The following STK3 variants were observed in gnomAD, a reference collection of about 807,000 sequenced individuals.
The protein encoded by STK3 is serine/threonine-protein kinase 3.
STK3 carries 41 observed loss-of-function variants against 58.0 expected under a neutral mutation model. The observed-to-expected ratio is 0.71, with a 90% confidence interval of 0.55 to 0.92. The LOEUF (loss-of-function observed/expected upper bound fraction) is 0.92, where lower values mean the gene tolerates loss of function less well. Among genes scored for constraint, STK3 ranks in the 40% least tolerant of loss-of-function variants. The pLI is 0.00. For missense variants in STK3, 479 were observed against 602.7 expected, an observed-to-expected ratio of 0.79 and a Z score of 2.15; for synonymous variants, 170 against 191.0, an observed-to-expected ratio of 0.89 and a Z score of 0.91.
upstream of STK3, among the ~76,000 whole-genome samples, chr8:98,825,858 GCCCC>G (rs1201586044): frequency 1.4e-5 from 1 of 72,652 alleles, no homozygotes; most frequent in African/African-American, 5.1e-5. Flanking sequence ...GCCCCCGGCC[GCCCC>G]GCCCCGCCCC....
At position 98,778,357 on chromosome 8, in the gene STK3, A is replaced by G. The variant is rs1276171166; in HGVS notation, c.27-3538T>C. ...ACCATCTCACACCAGTTAGAATGGC[A>G]ATCATTAAAAAGTCAGGAAACAACA... On this transcript the variant is annotated intron_variant, in intron 1 of 10. Coordinates refer to ENST00000419617, the MANE Select transcript of STK3 (RefSeq NM_006281.4). 3.3e-5 allele frequency among the ~76,000 whole-genome samples: 5 copies of G among 151,122 alleles called. No homozygotes were observed. In the South Asian group the frequency reaches 1.0e-3, roughly 32 times the overall value.
intron 7 of STK3, among the ~76,000 whole-genome samples, chr8:98,592,325 G>T (rs565191302): frequency 4.6e-5 from 7 of 152,158 alleles, no homozygotes; most frequent in African/African-American, 1.7e-4. Flanking sequence ...TTGTGTCTTT[G>T]TTCATATTGT....
chr8:98,606,504 T>C (rs966096631), intron 6 of STK3, among the ~76,000 whole-genome samples: 3 of 152,204 alleles, frequency 2.0e-5, no homozygotes, highest in Admixed American at 6.5e-5. Context: ...AGCCCCTAGA[T>C]AGCTTCAGGA....
At chr8:98,802,230 A>G (rs967315043) in intron 1 of STK3, among the ~76,000 whole-genome samples, 3 of 152,188 alleles carry the variant, frequency 2.0e-5, no homozygotes, top group African/African-American at 7.2e-5. Context: ...CTCTCAATAC[A>G]AAGTTTTCTA....
chr8:98,849,958 C>G (rs955460281), intron 3 of STK3, among the ~76,000 whole-genome samples: 2 of 152,052 alleles, frequency 1.3e-5, no homozygotes, highest in Non-Finnish European at 2.9e-5. Flanking sequence ...AGAAAAGAAA[C>G]AACTGTTCAA....
At chr8:98,923,828 C>CGTGTGTGTGTGTGTGTGTGTGTGTGT (rs55929161) in intron 1 of STK3, among the ~76,000 whole-genome samples, 1 of 144,304 alleles carries the variant, frequency 6.9e-6, no homozygotes, top group African/African-American at 2.6e-5. Context: ...TTTGCAAAAA[C>CGTGTGTGTGTGTGTGTGTGTGTGTGT]GTGTGTGTGT....
Position 98,606,805 on chromosome 8 carries a change from G to C in STK3, c.685-10636C>G, listed in dbSNP as rs137955080. Among the ~76,000 whole-genome samples, 129 of 152,306 alleles carry C rather than the reference G, an allele frequency of 8.5e-4. 2 individuals are homozygous for C. Among genetic ancestry groups the C allele is most frequent in the Admixed American group, 7.8e-3 (119 of 15,300 alleles). ...GTCTCTTCATTTGACTGGTCCTCCT[G>C]ATTAGCATCCTTTATAATAAACCTG... On this transcript the variant is annotated intron_variant, in intron 6 of 10. Coordinates refer to ENST00000419617, the MANE Select transcript of STK3 (RefSeq NM_006281.4).
intron 3 of STK3, among the ~76,000 whole-genome samples, chr8:98,847,725 T>C (rs1836265388): frequency 1.3e-5 from 2 of 152,118 alleles, no homozygotes; most frequent in East Asian, 1.9e-4. Context: ...AGGTTTTTTT[T>C]TGTTTGTTTG....
chr8:98,833,984 A>G (rs1450771079), intron 3 of STK3, among the ~76,000 whole-genome samples: 1 of 152,154 alleles, frequency 6.6e-6, no homozygotes, highest in Non-Finnish European at 1.5e-5. Flanking sequence ...GAGAAAAAAA[A>G]AACCTTTATC....
chr8:98,560,131 A>G (rs1453772018), intron 8 of STK3, among the ~76,000 whole-genome samples: 3 of 152,158 alleles, frequency 2.0e-5, no homozygotes, highest in African/African-American at 7.2e-5. Flanking sequence ...ATCCATATTT[A>G]TAAATGGGAA....
At chr8:98,664,559 C>A (rs942239310) in intron 6 of STK3, among the ~76,000 whole-genome samples, 2 of 152,122 alleles carry the variant, frequency 1.3e-5, no homozygotes, top group Non-Finnish European at 2.9e-5. Context: ...CCTTCAGAAC[C>A]AGGTCTTGAC....
chr8:98,449,102 T>C (rs1410686796), intron 1 of STK3, among the ~76,000 whole-genome samples: 1 of 152,136 alleles, frequency 6.6e-6, no homozygotes, highest in Non-Finnish European at 1.5e-5. Flanking sequence ...ATGTTCTCTA[T>C]CTTGGCTCCT....
intron 4 of STK3, among the ~76,000 whole-genome samples, chr8:98,708,602 A>G (rs766567730): frequency 1.2e-4 from 18 of 152,200 alleles, no homozygotes; most frequent in Non-Finnish European, 2.2e-4. Flanking sequence ...TAACAGTTGT[A>G]GCAGTAGAGC....
intron 1 of STK3, among the ~76,000 whole-genome samples, chr8:98,802,095 C>T (rs115041588): frequency 0.011 from 1,655 of 152,122 alleles, 43 homozygotes; most frequent in African/African-American, 0.038. Flanking sequence ...TCCCTTGAGC[C>T]CAGGAGTATG....
At chr8:98,564,439 G>T (rs557931675) in intron 8 of STK3, among the ~76,000 whole-genome samples, 2 of 152,228 alleles carry the variant, frequency 1.3e-5, no homozygotes, top group East Asian at 1.9e-4. Flanking sequence ...TCTCATGGAA[G>T]TAGAGAGTAG....
intron 3 of STK3, among the ~76,000 whole-genome samples, chr8:98,765,193 C>A (rs771457638): frequency 7.9e-5 from 12 of 152,130 alleles, no homozygotes; most frequent in Non-Finnish European, 1.2e-4. Flanking sequence ...ATAAAGCATA[C>A]CTGGTGGCCG....
At chr8:98,735,205 T>C (rs368344383) in intron 4 of STK3, among the ~76,000 whole-genome samples, 3 of 152,134 alleles carry the variant, frequency 2.0e-5, no homozygotes, top group Admixed American at 1.3e-4. Flanking sequence ...AAATTGGCTG[T>C]TTCAGCTCAA....
the STK3 span, among the ~76,000 whole-genome samples, chr8:98,356,501 C>T: frequency 6.6e-6 from 1 of 152,268 alleles, no homozygotes; most frequent in South Asian, 2.1e-4. Flanking sequence ...TGCTGTCCCA[C>T]CTTCCTGCAA....
At chr8:98,748,696 TA>T (rs1293898701) in intron 4 of STK3, among the ~76,000 whole-genome samples, 1 of 152,148 alleles carries the variant, frequency 6.6e-6, no homozygotes, top group East Asian at 1.9e-4. Flanking sequence ...ATTTTGTAAA[TA>T]GCACTTCTAG....
Sources: allele counts gnomAD v4.1 joint callset (sites outside exome capture counted in the v4.1 genomes callset), GRCh38; gene constraint gnomAD v4.1.1; transcripts MANE v1.5; gene names NCBI Gene and HGNC (gene_info 2026-07-23, HGNC 2026-07-21).